Variants in SORCS2 observed in about 807,000 individuals in gnomAD.
The protein encoded by SORCS2 is sortilin related VPS10 domain containing receptor 2.
Under a neutral mutation model 141.6 loss-of-function variants are expected in SORCS2, and 100 were observed. The ratio of observed to expected loss-of-function variants is 0.71; its 90% CI spans 0.60 to 0.83. The LOEUF (loss-of-function observed/expected upper bound fraction) is 0.83, where lower values mean the gene tolerates loss of function less well. Among genes scored for constraint, SORCS2 ranks in the 40% least tolerant of loss-of-function variants. The probability of loss-of-function intolerance (pLI) is 0.00; values close to 1 mark genes in which losing one functional copy is unlikely to be tolerated. For missense variants in SORCS2, 1,646 were observed against 1,560.2 expected, an observed-to-expected ratio of 1.05 and a Z score of -0.93; for synonymous variants, 789 against 676.9, an observed-to-expected ratio of 1.17 and a Z score of -2.57.
chr4:7,475,981 C>T (rs367767116), intron 2 of SORCS2, among the ~76,000 whole-genome samples: 4 of 152,108 alleles, frequency 2.6e-5, no homozygotes, highest in African/African-American at 9.7e-5. Flanking sequence ...GGGGGCTTCC[C>T]TCGGCTGCCT....
intron 2 of SORCS2, among the ~76,000 whole-genome samples, chr4:7,427,338 G>A (rs1052885647): frequency 1.3e-5 from 2 of 152,130 alleles, no homozygotes; most frequent in South Asian, 4.1e-4. Context: ...CTAAGCATAG[G>A]CCTGGGGCCT....
intron 2 of SORCS2, among the ~76,000 whole-genome samples, chr4:7,453,891 G>T (rs1219944257): frequency 7.2e-6 from 1 of 139,694 alleles, no homozygotes. Context: ...GGGGTCAGGA[G>T]GTGTGTGTTG....
intron 19 of SORCS2, among the ~76,000 whole-genome samples, chr4:7,724,326 TAG>T (rs537240150): frequency 0.14 from 16,763 of 115,632 alleles, 1,089 homozygotes; most frequent in East Asian, 0.22. Context: ...GTGGTGGTGA[TAG>T]GGTGATGGTG....
chr4:7,590,384 G>A (rs1247182127), intron 3 of SORCS2, among the ~76,000 whole-genome samples: 2 of 152,194 alleles, frequency 1.3e-5, no homozygotes, highest in East Asian at 3.9e-4. Context: ...ACTTTAAGAA[G>A]GAAAGGGCTT....
At chr4:7,415,087 A>T (rs1725573093) in intron 2 of SORCS2, among the ~76,000 whole-genome samples, 1 of 152,228 alleles carries the variant, frequency 6.6e-6, no homozygotes. Context: ...AGTAAAAACG[A>T]GGTAGGCATT....
chr4:7,695,974 A>ATG (rs1724684973), intron 11 of SORCS2, among the ~76,000 whole-genome samples: 1 of 113,442 alleles, frequency 8.8e-6, no homozygotes. Context: ...ATGGATGGAC[A>ATG]GATGGATGAA....
At chr4:7,416,250 G>A (rs1024356938) in intron 2 of SORCS2, among the ~76,000 whole-genome samples, 1 of 152,168 alleles carries the variant, frequency 6.6e-6, no homozygotes, top group African/African-American at 2.4e-5. Context: ...GGGACAGGGA[G>A]GAGGAAATTG....
intron 3 of SORCS2, among the ~76,000 whole-genome samples, chr4:7,559,703 C>T (rs1714392090): frequency 6.6e-6 from 1 of 152,214 alleles, no homozygotes; most frequent in Admixed American, 6.5e-5. Context: ...GGCAAGTCCT[C>T]ATCCCTCTCC....
At chr4:7,429,376 C>G (rs555600372) in intron 2 of SORCS2, among the ~76,000 whole-genome samples, 1 of 152,332 alleles carries the variant, frequency 6.6e-6, no homozygotes, top group African/African-American at 2.4e-5. Context: ...TTACCAGGTC[C>G]CATCGCCTCT....
chr4:7,726,714 G>A, intron 20 of SORCS2, 66 bp from the exon 21 acceptor site: 1 of 1,576,612 alleles, frequency 6.3e-7, no homozygotes, highest in Non-Finnish European at 8.6e-7. Flanking sequence ...AGCGACCATA[G>A]GCCAGCGTCC....
chr4:7,620,620 A>G (rs17465564), intron 3 of SORCS2, among the ~76,000 whole-genome samples: 12,385 of 152,322 alleles, frequency 0.081, 555 homozygotes, highest in Non-Finnish European at 0.093. Flanking sequence ...GGCTCCAGGC[A>G]CTTGTCACTA....
chr4:7,374,462 C>T (rs980329475), intron 1 of SORCS2, among the ~76,000 whole-genome samples: 2 of 152,118 alleles, frequency 1.3e-5, no homozygotes, highest in East Asian at 1.9e-4. Flanking sequence ...TCGGGTGCCA[C>T]GCTGGCAGCA....
At chr4:7,381,674 C>T (rs1270666584) in intron 1 of SORCS2, among the ~76,000 whole-genome samples, 2 of 152,358 alleles carry the variant, frequency 1.3e-5, no homozygotes, top group South Asian at 4.1e-4. Flanking sequence ...CCCAGAAGAG[C>T]AGGCTCTTCT....
At chr4:7,722,271 C>T (rs528876353) in intron 18 of SORCS2, among the ~76,000 whole-genome samples, 104 of 152,254 alleles carry the variant, frequency 6.8e-4, no homozygotes, top group Non-Finnish European at 1.1e-3. Flanking sequence ...CAGACTTGAG[C>T]GCTTCCCCTC....
chr4:7,724,403 A>C (rs957729925), intron 19 of SORCS2, among the ~76,000 whole-genome samples: 8 of 123,950 alleles, frequency 6.5e-5, no homozygotes, highest in Non-Finnish European at 9.7e-5. Context: ...TGATGGTGAT[A>C]GTAGTGGTGG....
chr4:7,199,655 C>T lies in SORCS2; in HGVS notation c.480+6529C>T, dbSNP rs139089636. On this transcript the variant is annotated intron_variant, in intron 1 of 26. Coordinates refer to ENST00000507866, the MANE Select transcript of SORCS2 (RefSeq NM_020777.3). ...GCTCTGGGATGGGGAGCTGCGTAGA[C>T]CCGCTTCCCTGGCCTGGGTGGGGCG... is the stretch of plus-strand genomic sequence containing the variant. 6.4e-3 allele frequency among the ~76,000 whole-genome samples: 972 copies of T among 152,036 alleles called. 9 individuals are homozygous for T. The highest frequency in any genetic ancestry group is 0.012 in the Non-Finnish European group (798 of 67,944).
chr4:7,365,029 A>G (rs1311344747), intron 1 of SORCS2, among the ~76,000 whole-genome samples: 3 of 152,228 alleles, frequency 2.0e-5, no homozygotes, highest in South Asian at 2.1e-4. Flanking sequence ...AGTTGCTGTC[A>G]GGCCCAAATG....
At chr4:7,203,798 G>C (rs1241791416) in intron 1 of SORCS2, among the ~76,000 whole-genome samples, 1 of 152,010 alleles carries the variant, frequency 6.6e-6, no homozygotes, top group Admixed American at 6.6e-5. Flanking sequence ...TGGAAACTCT[G>C]CCCCTCTTAA....
At chr4:7,212,355 T>C (rs1232878827) in intron 1 of SORCS2, among the ~76,000 whole-genome samples, 1 of 152,186 alleles carries the variant, frequency 6.6e-6, no homozygotes, top group African/African-American at 2.4e-5. Flanking sequence ...TGCAATGCTG[T>C]GTACAAAAGG....
Sources: allele counts gnomAD v4.1 joint callset (sites outside exome capture counted in the v4.1 genomes callset), GRCh38; gene constraint gnomAD v4.1.1; transcripts MANE v1.5; gene names NCBI Gene and HGNC (gene_info 2026-07-23, HGNC 2026-07-21).